SHISA5: variants seen among roughly 807,000 people sequenced by gnomAD.
SHISA5 encodes the protein protein shisa-5.
A neutral mutation model predicts 27.5 loss-of-function variants in SHISA5; 21 were observed. The ratio of observed to expected loss-of-function variants is 0.76; its 90% confidence interval spans 0.54 to 1.10. SHISA5 has a LOEUF of 1.10. SHISA5 is among the 50% of genes least tolerant of loss of function. SHISA5 has a pLI of 0.00. For synonymous variants in SHISA5, 137 were observed against 142.2 expected, an observed-to-expected ratio of 0.96 and a Z score of 0.26; for missense variants, 314 against 336.3, an observed-to-expected ratio of 0.93 and a Z score of 0.52.
intron 2 of SHISA5, among the ~76,000 whole-genome samples, chr3:48,489,970 G>C (rs1356767180): frequency 6.6e-6 from 1 of 152,118 alleles, no homozygotes; most frequent in Non-Finnish European, 1.5e-5. Flanking sequence ...GACAAGAAAA[G>C]GACCTCAAAG....
rs546197022 is a variant in SHISA5 at position 48,487,341 on chromosome 3, T to C, written c.234-8084A>G. 2.6e-5 allele frequency among the ~76,000 whole-genome samples: 4 copies of C among 152,336 alleles called. No homozygotes were observed. In the South Asian group the frequency reaches 8.3e-4, roughly 32 times the overall value. ...TGTTTTATGTATTTTATAGTTTATA[T>C]AGTTACATAGTTTATATGCTTTATG... is the stretch of plus-strand genomic sequence containing the variant. On this transcript the variant is annotated intron_variant, in intron 2 of 5. Coordinates refer to ENST00000296444, the MANE Select transcript of SHISA5 (RefSeq NM_016479.6).
At chr3:48,474,249 G>A (rs542987293) in intron 3 of SHISA5, among the ~76,000 whole-genome samples, 29 of 150,936 alleles carry the variant, frequency 1.9e-4, no homozygotes, top group Admixed American at 1.5e-3. Flanking sequence ...CACCACACTC[G>A]GCTATTTTTT....
Position 48,470,305 on chromosome 3 carries a change from G to A in SHISA5, c.315-462C>T, listed in dbSNP as rs1329507788. Reference sequence around the variant, plus strand: ...AGATAACATGGCTCACAAAGCACAGGGTGAAGACTGAGAGAAGCCCCAGGA... The same window carrying A: ...AGATAACATGGCTCACAAAGCACAGAGTGAAGACTGAGAGAAGCCCCAGGA... On this transcript the variant is annotated intron_variant, in intron 3 of 5. Transcript: ENST00000296444. This position sits in a 1 kb window ranked among gnomAD's most constrained non-coding sequence, Gnocchi z 4.3. 6.6e-6 allele frequency among the ~76,000 whole-genome samples: 1 copy of A among 152,234 alleles called. No individual in the cohort carries two copies. The highest frequency in any genetic ancestry group is 6.5e-5 in the Admixed American group (1 of 15,288).
intron 2 of SHISA5, among the ~76,000 whole-genome samples, chr3:48,500,933 G>A (rs1256646253): frequency 1.3e-5 from 2 of 152,160 alleles, no homozygotes; most frequent in Non-Finnish European, 2.9e-5. Flanking sequence ...CCTCAGGGTA[G>A]GGAGGAGATG....
chr3:48,492,197 G>A (rs913358255), intron 2 of SHISA5, among the ~76,000 whole-genome samples: 12 of 138,312 alleles, frequency 8.7e-5, no homozygotes, highest in South Asian at 2.6e-4. Context: ...AAGGCCAGGC[G>A]CGGTGGCTCA....
In SHISA5 at chr3:48,469,367, G is replaced by A. The variant is rs762921056; in HGVS notation, c.637C>T (p.Leu213=). ...PMGPPAYHET[L]AGGAAAPYPA... ...AGTTGGCAGGGGCACTCACCAGCCA[G>A]GGTCTCGTGGTAGGCCGGTGGGCCC... Residue 213 remains leucine, a synonymous_variant, in exon 5 of 6, where the codon CTG becomes TTG. Coordinates refer to ENST00000296444, the MANE Select transcript of SHISA5 (RefSeq NM_016479.6). The surrounding 1 kb of genome is among the most constrained non-coding windows in gnomAD (Gnocchi z 4.6). The A allele has an allele frequency of 1.3e-6, 2 of 1,585,204 alleles. No homozygotes were observed. Among genetic ancestry groups the A allele is most frequent in the Non-Finnish European group, 1.7e-6 (2 of 1,163,032 alleles).
chr3:48,501,862 T>TTC (rs1163956901), intron 1 of SHISA5, among the ~76,000 whole-genome samples: 193 of 143,206 alleles, frequency 1.3e-3, no homozygotes, highest in African/African-American at 4.8e-3. Flanking sequence ...CTTTCTTTCT[T>TTC]TTTTTTTTTT....
Position 48,473,413 on chromosome 3 carries a change from C to T in SHISA5, c.315-3570G>A. On this transcript the variant is annotated intron_variant, in intron 3 of 5. Coordinates refer to ENST00000296444, the MANE Select transcript of SHISA5 (RefSeq NM_016479.6). The surrounding 1 kb of genome is among the most constrained non-coding windows in gnomAD (Gnocchi z 4.3). ...CACTCTAGCTCAGCAGCACCCCCAC[C>T]CCCACTTCCACCTAACCCACCGGCC... The T allele has an allele frequency of 2.3e-6, 3 of 1,311,862 alleles. No homozygotes were observed. Among genetic ancestry groups the T allele is most frequent in the Non-Finnish European group, 3.0e-6 (3 of 1,003,950 alleles). The allele number at this position is 1,311,862 out of a possible 1,614,324, so 81.3% of individuals were successfully genotyped here.
Position 48,467,899 on chromosome 3 carries a change from A to C in SHISA5, c.*1208T>G. On this transcript the variant is annotated 3_prime_UTR_variant, in exon 6 of 6. Coordinates refer to ENST00000296444, the MANE Select transcript of SHISA5 (RefSeq NM_016479.6). ...GCTCCAAACGATTGCATTTATTATA[A>C]ACAAGTGTACAGACCCTAGACTCAG... The C allele has an allele frequency of 2.1e-6, 1 of 466,168 alleles. No individual in the cohort carries two copies. The highest frequency in any genetic ancestry group is 4.2e-5 in the East Asian group (1 of 23,956). 28.9% of individuals were successfully genotyped at this position (466,168 alleles called of 1,614,324 possible).
rs1211599358 is a variant in SHISA5 at position 48,504,002 on chromosome 3, CCCCA to C, written c.76+13_76+16del. 13 of 1,462,086 alleles carry C rather than the reference CCCCA, an allele frequency of 8.9e-6. No homozygotes were observed. Among genetic ancestry groups the C allele is most frequent in the Middle Eastern group, 3.6e-4 (2 of 5,612 alleles). 90.6% of individuals were successfully genotyped at this position (1,462,086 alleles called of 1,614,324 possible). ...CCGGTCCCAGGGCAGGACGGGCCGC[CCCCA>C]CCCCCGGCTCACCACCCGGAGGCGG... On this transcript the variant is annotated intron_variant, in intron 1 of 5. Transcript: ENST00000296444. The surrounding 1 kb of genome is among the most constrained non-coding windows in gnomAD (Gnocchi z 4.0).
intron 2 of SHISA5, among the ~76,000 whole-genome samples, chr3:48,485,081 A>T (rs1166479884): frequency 6.6e-6 from 1 of 152,096 alleles, no homozygotes; most frequent in Non-Finnish European, 1.5e-5. Flanking sequence ...CAACAGGCTG[A>T]GGCAGGAGGA....
At chr3:48,481,140 T>C (rs553983728) in intron 2 of SHISA5, among the ~76,000 whole-genome samples, 1 of 151,788 alleles carries the variant, frequency 6.6e-6, no homozygotes. Context: ...ATAAATAAGA[T>C]GATATTAAAC....
At position 48,473,441 on chromosome 3, in the gene SHISA5, G is replaced by C; in HGVS notation, c.315-3598C>G. On this transcript the variant is annotated intron_variant, in intron 3 of 5. Transcript: ENST00000296444. This position sits in a 1 kb window ranked among gnomAD's most constrained non-coding sequence, Gnocchi z 4.3. ...CACTTCCACCTAACCCACCGGCCCT[G>C]TTCCACCAGCCTCCAGGAGGAGCTT... is the stretch of plus-strand genomic sequence containing the variant. 2.3e-6 allele frequency: 3 copies of C among 1,298,612 alleles called. No individual in the cohort carries two copies. The highest frequency in any genetic ancestry group is 3.0e-6 in the Non-Finnish European group (3 of 995,074). The allele number at this position is 1,298,612 out of a possible 1,614,324, so 80.4% of individuals were successfully genotyped here. A position where few individuals can be genotyped will look rare whatever the true frequency, so the allele number is the denominator to read the frequency against.
chr3:48,495,060 G>T (rs2041508137), intron 2 of SHISA5, among the ~76,000 whole-genome samples: 2 of 146,080 alleles, frequency 1.4e-5, no homozygotes, highest in African/African-American at 5.5e-5. Context: ...TCCTACCTCA[G>T]CCTCCCAAAG....
rs1367009238 is a variant in SHISA5, at chr3:48,469,544, C to T, written c.460G>A (p.Val154Met). 4.3e-6 allele frequency: 7 copies of T among 1,611,458 alleles called. No homozygotes were observed. The African/African-American group carries it at 5.3e-5, about 12-fold the overall frequency. The part of the protein sequence containing the change: ...PVVTTTTSTT[V>M]VHAPYPQPPS... Reference sequence around the variant, plus strand: ...GGCTGAGGATAAGGGGCATGCACCACAGTGGTGGATGTGGTGGTGGTGACA... The same window carrying T: ...GGCTGAGGATAAGGGGCATGCACCATAGTGGTGGATGTGGTGGTGGTGACA... Residue 154 changes from valine (V) to methionine (M), a missense_variant, in exon 5 of 6, where the codon GTG becomes ATG. By Grantham distance (21) the Val-to-Met change is conservative. Transcript: ENST00000296444. This position sits in a 1 kb window ranked among gnomAD's most constrained non-coding sequence, Gnocchi z 4.6.
In SHISA5 at chr3:48,473,181, C is replaced by T. The variant is rs2040704571; in HGVS notation, c.315-3338G>A. ...CACAGACGCGAAGCCCCGTTCCACCCTCTTAAAGACACAGGATGGCCCCGC... is the reference window on the plus strand; with the variant it reads ...CACAGACGCGAAGCCCCGTTCCACCTTCTTAAAGACACAGGATGGCCCCGC... On this transcript the variant is annotated intron_variant, in intron 3 of 5. Coordinates refer to ENST00000296444, the MANE Select transcript of SHISA5 (RefSeq NM_016479.6). This position sits in a 1 kb window ranked among gnomAD's most constrained non-coding sequence, Gnocchi z 4.3. The T allele has an allele frequency of 7.7e-6, 11 of 1,437,192 alleles. No individual in the cohort carries two copies. The highest frequency in any genetic ancestry group is 1.0e-5 in the Non-Finnish European group (11 of 1,098,858). 89.0% of individuals were successfully genotyped at this position (1,437,192 alleles called of 1,614,324 possible).
chr3:48,474,731 G>A (rs2040762195), intron 3 of SHISA5, among the ~76,000 whole-genome samples: 1 of 152,168 alleles, frequency 6.6e-6, no homozygotes, highest in African/African-American at 2.4e-5. Context: ...CCTCTGTGCT[G>A]AGTCCCATCC....
At chr3:48,475,612 C>T (rs1458202862) in intron 3 of SHISA5, among the ~76,000 whole-genome samples, 1 of 152,180 alleles carries the variant, frequency 6.6e-6, no homozygotes, top group Non-Finnish European at 1.5e-5. Context: ...GCTGTGGCCA[C>T]ACCTCGCCTA....
In SHISA5 at chr3:48,470,024, T is replaced by A; in HGVS notation, c.315-181A>T. ...CCTCTTGTGTAAACTGGGGTATATG[T>A]GAGTCCCTGTAACTGTCTCTCCCTG... On this transcript the variant is annotated intron_variant, in intron 3 of 5. Coordinates refer to ENST00000296444, the MANE Select transcript of SHISA5 (RefSeq NM_016479.6). The surrounding 1 kb of genome is among the most constrained non-coding windows in gnomAD (Gnocchi z 4.3). 1 of 746,138 alleles carries A rather than the reference T, an allele frequency of 1.3e-6. No individual in the cohort carries two copies. The highest frequency in any genetic ancestry group is 2.2e-6 in the Non-Finnish European group (1 of 462,708). The allele number at this position is 746,138 out of a possible 1,614,324, so 46.2% of individuals were successfully genotyped here.
Sources: gnomAD v4.1 joint callset for allele counts (sites outside exome capture counted in the v4.1 genomes callset) on GRCh38, gnomAD v4.1.1 for gene constraint, Gnocchi (gnomAD v3.1) non-coding constraint, MANE v1.5 for transcripts, NCBI Gene and HGNC (gene_info 2026-07-23, HGNC 2026-07-21) for gene names.